The following ARSB variants were observed in gnomAD, a reference collection of about 807,000 sequenced individuals.
ARSB encodes the protein N-acetylgalactosamine-4-sulfatase.
In ARSB, 41 loss-of-function variants were observed where a neutral mutation model predicts 50.9. The observed-to-expected ratio is 0.81, with a 90% CI of 0.63 to 1.04. The LOEUF (loss-of-function observed/expected upper bound fraction) is 1.04. ARSB is among the 50% of genes least tolerant of loss of function. The probability of loss-of-function intolerance (pLI) is 0.00; values close to 1 mark genes in which losing one functional copy is unlikely to be tolerated. For synonymous variants in ARSB, 269 were observed against 284.8 expected (o/e 0.94, Z 0.56); for missense variants, 672 against 693.3 (o/e 0.97, Z 0.35).
At chr5:78,939,328 C>A (rs140338718) in intron 4 of ARSB, among the ~76,000 whole-genome samples, 1 of 151,252 alleles carries the variant, frequency 6.6e-6, no homozygotes, top group Admixed American at 6.6e-5. Flanking sequence ...ATGTGCATAA[C>A]GTGCAGGTTT....
At position 78,910,345 on chromosome 5, in the gene ARSB, G is replaced by T. The variant is rs111807355; in HGVS notation, c.899-24518C>A. Among the ~76,000 whole-genome samples, 1,309 of 152,306 alleles carry T rather than the reference G, an allele frequency of 8.6e-3. 21 individuals are homozygous for T. Among genetic ancestry groups the T allele is most frequent in the African/African-American group, 0.03 (1,246 of 41,552 alleles). Reference sequence around the variant, plus strand: ...CCGATGAGAAATACCCACAGGTGTGGAGGGGCTGGCCCCCTTCATAAAGTA... The same window carrying T: ...CCGATGAGAAATACCCACAGGTGTGTAGGGGCTGGCCCCCTTCATAAAGTA... On this transcript the variant is annotated intron_variant, in intron 4 of 7. Coordinates refer to ENST00000264914, the MANE Select transcript of ARSB (RefSeq NM_000046.5).
At position 78,787,430 on chromosome 5, in the gene ARSB, G is replaced by A. The variant is rs190276647; in HGVS notation, c.1214-5456C>T. On this transcript the variant is annotated intron_variant, in intron 6 of 7. Coordinates refer to ENST00000264914, the MANE Select transcript of ARSB (RefSeq NM_000046.5). ...GATAAACTGTCAGGACCCAAGACAG[G>A]AGGCAGAGGTTTCTTAGAATGTTAA... 2.8e-3 allele frequency among the ~76,000 whole-genome samples: 432 copies of A among 152,294 alleles called. 3 individuals are homozygous for A. Among genetic ancestry groups the A allele is most frequent in the Non-Finnish European group, 3.9e-3 (264 of 68,020 alleles).
chr5:78,933,528 C>T (rs188685562), intron 4 of ARSB, among the ~76,000 whole-genome samples: 2 of 152,196 alleles, frequency 1.3e-5, no homozygotes, highest in African/African-American at 4.8e-5. Context: ...GCGATAGAGT[C>T]GCTATTGTCT....
chr5:78,900,013 G>A (rs1054070024), intron 4 of ARSB, among the ~76,000 whole-genome samples: 5 of 152,118 alleles, frequency 3.3e-5, no homozygotes, highest in South Asian at 2.1e-4. Context: ...TTCGGCTCTA[G>A]GTGGCGCTAT....
intron 3 of ARSB, among the ~76,000 whole-genome samples, chr5:78,960,859 G>A (rs756793434): frequency 3.9e-5 from 6 of 152,144 alleles, no homozygotes; most frequent in Non-Finnish European, 7.3e-5. Context: ...CAGTGCACCC[G>A]GCTGACGGGG....
At chr5:78,905,910 CAAAAAAAAAAAA>C (rs57651882) in intron 4 of ARSB, among the ~76,000 whole-genome samples, 12 of 94,412 alleles carry the variant, frequency 1.3e-4, no homozygotes, top group East Asian at 5.9e-4. Context: ...AGCAAAGTAG[CAAAAAAAAAAAA>C]AAAAAAAAAA....
At chr5:78,868,897 T>G (rs1329235457) in intron 5 of ARSB, among the ~76,000 whole-genome samples, 1 of 151,544 alleles carries the variant, frequency 6.6e-6, no homozygotes, top group East Asian at 1.9e-4. Context: ...GACCCATCAG[T>G]GTGCTGTATT....
At chr5:78,871,547 G>C (rs1408396380) in intron 5 of ARSB, among the ~76,000 whole-genome samples, 1 of 149,522 alleles carries the variant, frequency 6.7e-6, no homozygotes, top group Non-Finnish European at 1.5e-5. Flanking sequence ...ACAAACCTGA[G>C]AAAAACAAGC....
chr5:78,968,984 G>A lies in ARSB; in HGVS notation c.499+22C>T, dbSNP rs767327832. 8.1e-6 allele frequency: 13 copies of A among 1,613,526 alleles called. No individual in the cohort carries two copies. In the African/African-American group the frequency reaches 1.2e-4, roughly 15 times the overall value. On this transcript the variant is annotated intron_variant, in intron 2 of 7. Transcript: ENST00000264914. Reference sequence around the variant, plus strand: ...GCTGCAGTTAGTCTAAGTTGTTAAAGAAACATGTGCATTTCCATTACCAAA... The same window carrying A: ...GCTGCAGTTAGTCTAAGTTGTTAAAAAAACATGTGCATTTCCATTACCAAA...
chr5:78,850,719 T>G (rs1475235929), intron 5 of ARSB, among the ~76,000 whole-genome samples: 1 of 152,224 alleles, frequency 6.6e-6, no homozygotes, highest in Admixed American at 6.5e-5. Flanking sequence ...AGCTATTGAT[T>G]ATTGTCACAA....
chr5:78,885,533 G>A (rs1396307746), intron 5 of ARSB, 51 bp downstream of exon 5: 4 of 1,602,880 alleles, frequency 2.5e-6, no homozygotes, highest in Non-Finnish European at 2.6e-6. Context: ...ATGGAGTCAG[G>A]CTGCTCTTGG....
intron 4 of ARSB, among the ~76,000 whole-genome samples, chr5:78,895,718 C>G (rs1338971201): frequency 6.6e-6 from 1 of 152,196 alleles, no homozygotes; most frequent in African/African-American, 2.4e-5. Context: ...TTTCTCATTC[C>G]TAGTAATTTT....
At chr5:78,945,957 T>C (rs1303604885) in intron 4 of ARSB, among the ~76,000 whole-genome samples, 1 of 152,214 alleles carries the variant, frequency 6.6e-6, no homozygotes, top group East Asian at 1.9e-4. Flanking sequence ...TTCATCCTAA[T>C]ATTCCCACTG....
rs1580959946 is a variant in ARSB at position 78,779,125 on chromosome 5, C to A, written c.*1272G>T. 6.6e-6 allele frequency: 1 copy of A among 152,172 alleles called. No homozygotes were observed. The highest frequency in any genetic ancestry group is 2.1e-4 in the South Asian group (1 of 4,818). 9.4% of individuals were successfully genotyped at this position (152,172 alleles called of 1,614,324 possible). ...GTGGGGCTAATGCAGAAAAGAGTAT[C>A]ATTTTTGCACACATTTCTCTGGGTT... On this transcript the variant is annotated 3_prime_UTR_variant, in exon 8 of 8. Transcript: ENST00000264914.
chr5:78,859,529 T>C (rs1746322344), intron 5 of ARSB, among the ~76,000 whole-genome samples: 1 of 152,078 alleles, frequency 6.6e-6, no homozygotes, highest in Non-Finnish European at 1.5e-5. Flanking sequence ...GCAACAGCGT[T>C]GGAAACTAAA....
intron 6 of ARSB, among the ~76,000 whole-genome samples, chr5:78,790,228 C>A: frequency 6.6e-6 from 1 of 152,142 alleles, no homozygotes; most frequent in Non-Finnish European, 1.5e-5. Flanking sequence ...TACACAGTAG[C>A]ATAGAACATG....
chr5:78,880,010 G>T (rs2112188604), intron 5 of ARSB, among the ~76,000 whole-genome samples: 1 of 151,876 alleles, frequency 6.6e-6, no homozygotes, highest in Admixed American at 6.6e-5. Flanking sequence ...ATTATCTCAT[G>T]ATTTAGCCTA....
intron 5 of ARSB, among the ~76,000 whole-genome samples, chr5:78,855,713 T>C (rs730836): frequency 0.62 from 94,313 of 151,988 alleles, 29,639 homozygotes; most frequent in Middle Eastern, 0.67. Context: ...AGGCTTAGTG[T>C]CTGTGAGGAT....
intron 4 of ARSB, among the ~76,000 whole-genome samples, chr5:78,923,327 G>C (rs1749911545): frequency 6.6e-6 from 1 of 152,210 alleles, no homozygotes; most frequent in East Asian, 1.9e-4. Context: ...CAGCACACCT[G>C]GGTTATGCAC....
Sources: gnomAD v4.1 joint callset for allele counts (sites outside exome capture counted in the v4.1 genomes callset) on GRCh38, gnomAD v4.1.1 for gene constraint, MANE v1.5 for transcripts, NCBI Gene and HGNC (gene_info 2026-07-23, HGNC 2026-07-21) for gene names.